The following A1CF variants were observed in gnomAD, a reference collection of about 807,000 sequenced individuals.
A1CF encodes the protein APOBEC-1 stimulating protein.
A1CF carries 48 observed loss-of-function variants against 68.9 expected under a neutral mutation model. The ratio of observed to expected loss-of-function variants is 0.70; its 90% confidence interval spans 0.55 to 0.89. The LOEUF (loss-of-function observed/expected upper bound fraction) is 0.89. Among genes scored for constraint, A1CF ranks in the 40% least tolerant of loss-of-function variants. The pLI, the probability that A1CF is intolerant of heterozygous loss-of-function variation, is 0.00. For synonymous variants in A1CF, 272 were observed against 260.4 expected (o/e 1.04, Z -0.43); for missense variants, 653 against 718.9 (o/e 0.91, Z 1.05).
intron 3 of A1CF, among the ~76,000 whole-genome samples, chr10:50,844,927 A>G (rs1484635573): frequency 1.3e-5 from 2 of 152,202 alleles, no homozygotes; most frequent in African/African-American, 4.8e-5. Flanking sequence ...ATCTTCATAT[A>G]CACCAACTTG....
At chr10:50,856,604 C>G (rs572328525) in intron 3 of A1CF, among the ~76,000 whole-genome samples, 1 of 152,086 alleles carries the variant, frequency 6.6e-6, no homozygotes, top group Non-Finnish European at 1.5e-5. Flanking sequence ...TTTTCTGAGT[C>G]TAACCAAAAA....
At chr10:50,882,158 C>G (rs944016417) in intron 1 of A1CF, among the ~76,000 whole-genome samples, 1 of 152,128 alleles carries the variant, frequency 6.6e-6, no homozygotes. Context: ...ATAACCTAGA[C>G]CGGGCATGTT....
intron 9 of A1CF, 82 bp from the exon 10 acceptor site, chr10:50,814,120 T>G: frequency 6.6e-7 from 1 of 1,520,428 alleles, no homozygotes; most frequent in South Asian, 1.2e-5. Flanking sequence ...ACCCTGAATC[T>G]TACTGTAATG....
intron 6 of A1CF, among the ~76,000 whole-genome samples, chr10:50,834,984 C>T (rs941507655): frequency 3.9e-5 from 6 of 152,078 alleles, no homozygotes; most frequent in African/African-American, 1.4e-4. Flanking sequence ...AAAAGGTATG[C>T]CCCCATGAGG....
At position 50,801,605 on chromosome 10, in the gene A1CF, T is replaced by G. The variant is rs1166750434; in HGVS notation, c.*5124A>C. The G allele has an allele frequency of 1.3e-5, 2 of 152,208 alleles. No homozygotes were observed. Among genetic ancestry groups the G allele is most frequent in the African/African-American group, 2.4e-5 (1 of 41,454 alleles). The allele number at this position is 152,208 out of a possible 1,614,324, so 9.4% of individuals were successfully genotyped here. A position where few individuals can be genotyped will look rare whatever the true frequency, so the allele number is the denominator to read the frequency against. Reference sequence around the variant, plus strand: ...ATTCTTCATTCTCCAAGAAGGCCTGTGGGCAGCTTACTTTTTTAAAGATAC... The same window carrying G: ...ATTCTTCATTCTCCAAGAAGGCCTGGGGGCAGCTTACTTTTTTAAAGATAC... On this transcript the variant is annotated 3_prime_UTR_variant, in exon 13 of 13. Transcript: ENST00000373997.
intron 7 of A1CF, among the ~76,000 whole-genome samples, chr10:50,824,783 G>A (rs977336293): frequency 3.3e-5 from 5 of 152,194 alleles, no homozygotes; most frequent in Non-Finnish European, 2.9e-5. Flanking sequence ...TCTGCGACCT[G>A]CTAGCTGTGT....
chr10:50,863,138 G>T (rs1464127763), intron 2 of A1CF, among the ~76,000 whole-genome samples: 1 of 152,162 alleles, frequency 6.6e-6, no homozygotes, highest in African/African-American at 2.4e-5. Context: ...CTCAATTATA[G>T]TGTCAAGTCA....
At position 50,801,918 on chromosome 10, in the gene A1CF, A is replaced by C. The variant is rs2132283782; in HGVS notation, c.*4811T>G. ...ACCAAGGAGAACTGGGGGCACATAA[A>C]GTTTGCAATCTCCCACAAATGAGCC... is the stretch of plus-strand genomic sequence containing the variant. On this transcript the variant is annotated 3_prime_UTR_variant, in exon 13 of 13. Transcript: ENST00000373997. 1 of 152,282 alleles carries C rather than the reference A, an allele frequency of 6.6e-6. No individual in the cohort carries two copies. The highest frequency in any genetic ancestry group is 1.9e-4 in the East Asian group (1 of 5,182). 9.4% of individuals were successfully genotyped at this position (152,282 alleles called of 1,614,324 possible). A position where few individuals can be genotyped will look rare whatever the true frequency, so the allele number is the denominator to read the frequency against.
At chr10:50,883,699 C>T (rs1162880022) in intron 1 of A1CF, among the ~76,000 whole-genome samples, 2 of 152,114 alleles carry the variant, frequency 1.3e-5, no homozygotes, top group African/African-American at 4.8e-5. Flanking sequence ...GTAAATTAAG[C>T]CCAGGAAACA....
intron 1 of A1CF, among the ~76,000 whole-genome samples, chr10:50,878,660 G>T (rs1348747161): frequency 2.0e-5 from 3 of 152,142 alleles, no homozygotes; most frequent in African/African-American, 7.2e-5. Context: ...GAAAGGATTT[G>T]ATTTTACGGC....
chr10:50,822,642 G>A (rs1838732506), intron 7 of A1CF: 1 of 152,098 alleles, frequency 6.6e-6, no homozygotes, highest in South Asian at 2.1e-4. Context: ...GTTATACAGA[G>A]CAAAATTATC....
In A1CF at chr10:50,820,746, T is replaced by G. The variant is rs901526836; in HGVS notation, c.770-97A>C. 1.5e-5 allele frequency: 13 copies of G among 879,206 alleles called. No individual in the cohort carries two copies. In the Admixed American group the frequency reaches 3.1e-4, roughly 21 times the overall value. 54.5% of individuals were successfully genotyped at this position (879,206 alleles called of 1,614,324 possible). On this transcript the variant is annotated intron_variant, in intron 7 of 12. Coordinates refer to ENST00000373997, the MANE Select transcript of A1CF (RefSeq NM_014576.4). ...TAGCTGCAAAGAGTATTTGATTTTTTTTATGGATACCTCATATTTAAGTAA... is the reference window on the plus strand; with the variant it reads ...TAGCTGCAAAGAGTATTTGATTTTTGTTATGGATACCTCATATTTAAGTAA...
intron 1 of A1CF, among the ~76,000 whole-genome samples, chr10:50,864,919 A>G (rs117398925): frequency 0.013 from 1,963 of 151,920 alleles, 21 homozygotes; most frequent in Middle Eastern, 0.02. Context: ...TGCCTGGCCA[A>G]TCCTCCCGGC....
At chr10:50,849,356 A>G (rs1338215119) in intron 3 of A1CF, among the ~76,000 whole-genome samples, 1 of 152,218 alleles carries the variant, frequency 6.6e-6, no homozygotes, top group East Asian at 1.9e-4. Context: ...GGCTTAATAT[A>G]CTGTAGAAGT....
Position 50,842,033 on chromosome 10 carries a change from G to T in A1CF, c.235-41C>A, listed in dbSNP as rs377399344. ...ATAGAACATTTATATTTATACGTTTGTACTTCTGAATGTATGTGTGCATGT... is the reference window on the plus strand; with the variant it reads ...ATAGAACATTTATATTTATACGTTTTTACTTCTGAATGTATGTGTGCATGT... On this transcript the variant is annotated intron_variant, in intron 4 of 12. Coordinates refer to ENST00000373997, the MANE Select transcript of A1CF (RefSeq NM_014576.4). The T allele has an allele frequency of 1.4e-5, 22 of 1,551,778 alleles. No individual in the cohort carries two copies. The African/African-American group carries it at 2.9e-4, about 20-fold the overall frequency.
Position 50,836,136 on chromosome 10 carries a change from A to C in A1CF, c.542T>G (p.Phe181Cys). ...SAADKTKNRG[F>C]AFVEYESHRA... is the part of the protein sequence containing the mutation. ...ATGACTCTCATACTCCACGAAGGCA[A>C]AGCCTCGGTTTTTGGTTTTATCTGC... is the stretch of plus-strand genomic sequence containing the variant. Residue 181 changes from phenylalanine (F) to cysteine (C), a missense_variant, in exon 6 of 13, where the codon TTT becomes TGT. Phe to Cys is a radical substitution (Grantham distance 205). Coordinates refer to ENST00000373997, the MANE Select transcript of A1CF (RefSeq NM_014576.4). 6.2e-7 allele frequency: 1 copy of C among 1,614,008 alleles called. No individual in the cohort carries two copies. Among genetic ancestry groups the C allele is most frequent in the Non-Finnish European group, 8.5e-7 (1 of 1,179,902 alleles).
chr10:50,807,877 T>G (rs538556781), intron 12 of A1CF, among the ~76,000 whole-genome samples: 2 of 152,328 alleles, frequency 1.3e-5, no homozygotes, highest in Non-Finnish European at 2.9e-5. Context: ...ATTGATTTTT[T>G]TCTAGTGGCT....
chr10:50,841,810 G>T, intron 5 of A1CF, 52 bp downstream of exon 5: 1 of 1,596,372 alleles, frequency 6.3e-7, no homozygotes, highest in Non-Finnish European at 8.5e-7. Context: ...TAGAAAAACA[G>T]ACACAGGTGC....
chr10:50,820,635 C>T lies in A1CF; in HGVS notation c.784G>A (p.Val262Met). ...AAAGCATAGTCTCGAATTTTCTTCA[C>T]CCTCTCCACAGCACCTGTAAAATAG... is the stretch of plus-strand genomic sequence containing the variant. The part of the protein sequence containing the change: ...NNIKPGAVER[V>M]KKIRDYAFVH... The change falls in exon 8 of 13, where the codon GTG becomes ATG. Residue 262 changes from valine (V) to methionine (M), a missense_variant. Val to Met is a conservative substitution (Grantham distance 21, BLOSUM62 1). Coordinates refer to ENST00000373997, the MANE Select transcript of A1CF (RefSeq NM_014576.4). 1 of 1,613,334 alleles carries T rather than the reference C, an allele frequency of 6.2e-7. No individual in the cohort carries two copies. The highest frequency in any genetic ancestry group is 8.5e-7 in the Non-Finnish European group (1 of 1,179,642).
Sources: allele counts gnomAD v4.1 joint callset (sites outside exome capture counted in the v4.1 genomes callset), GRCh38; gene constraint gnomAD v4.1.1; transcripts MANE v1.5; gene names NCBI Gene and HGNC (gene_info 2026-07-23, HGNC 2026-07-21).